The following ENTREP2 variants were observed in gnomAD, a reference collection of about 807,000 sequenced individuals.
The protein encoded by ENTREP2 is endosomal transmembrane epsin interactor 2, also known as protein ENTREP2.
chr15:29,437,443 T>C, the ENTREP2 span, among the ~76,000 whole-genome samples: 1 of 152,242 alleles, frequency 6.6e-6, no homozygotes, highest in Non-Finnish European at 1.5e-5. Context: ...CTTCTATTAA[T>C]TGGCCTGTTT....
the ENTREP2 span, among the ~76,000 whole-genome samples, chr15:29,413,273 G>T: frequency 6.6e-6 from 1 of 152,036 alleles, no homozygotes. Flanking sequence ...AATTATACCT[G>T]GTTGTGTTCT....
the ENTREP2 span, among the ~76,000 whole-genome samples, chr15:29,209,331 G>A: frequency 2.6e-5 from 4 of 151,980 alleles, no homozygotes; most frequent in Admixed American, 6.6e-5. Flanking sequence ...GTGAAACCCC[G>A]TCTCTACTAA....
the ENTREP2 span, among the ~76,000 whole-genome samples, chr15:29,585,813 G>A: frequency 7.1e-6 from 1 of 140,304 alleles, no homozygotes; most frequent in Non-Finnish European, 1.5e-5. Context: ...CCAAGATCCC[G>A]CCATTGCACT....
chr15:29,124,731 C>A, the ENTREP2 span: 3 of 1,550,722 alleles, frequency 1.9e-6, no homozygotes, highest in South Asian at 2.4e-5. Flanking sequence ...CAGGTCCTGG[C>A]TACACGACGG....
At chr15:29,617,904 G>A in the ENTREP2 span, among the ~76,000 whole-genome samples, 1 of 152,162 alleles carries the variant, frequency 6.6e-6, no homozygotes, top group East Asian at 1.9e-4. Flanking sequence ...AGGCAGCCTG[G>A]CATCTTGATT....
At chr15:29,531,481 C>T in the ENTREP2 span, among the ~76,000 whole-genome samples, 2 of 152,098 alleles carry the variant, frequency 1.3e-5, no homozygotes, top group Admixed American at 6.5e-5. Context: ...TGAAACTGGG[C>T]AGAACATGAA....
At chr15:29,533,771 C>T in the ENTREP2 span, among the ~76,000 whole-genome samples, 30 of 152,138 alleles carry the variant, frequency 2.0e-4, no homozygotes, top group African/African-American at 6.5e-4. Flanking sequence ...GCATTTCTCC[C>T]CTGTAGAAAG....
the ENTREP2 span, among the ~76,000 whole-genome samples, chr15:29,451,991 C>T: frequency 2.6e-5 from 4 of 152,120 alleles, no homozygotes; most frequent in African/African-American, 9.7e-5. Context: ...GTTTTAAAAC[C>T]TTTTTCCTGA....
the ENTREP2 span, among the ~76,000 whole-genome samples, chr15:29,312,944 G>A: frequency 3.3e-5 from 5 of 152,176 alleles, no homozygotes; most frequent in Non-Finnish European, 7.3e-5. Context: ...GAATGCAAAG[G>A]AAAAGTTCTC....
chr15:29,627,530 A>G, the ENTREP2 span, among the ~76,000 whole-genome samples: 1 of 145,988 alleles, frequency 6.8e-6, no homozygotes, highest in Admixed American at 6.8e-5. Flanking sequence ...TGACAGAGCA[A>G]GACTCCATCT....
the ENTREP2 span, among the ~76,000 whole-genome samples, chr15:29,291,445 T>C: frequency 7.9e-5 from 12 of 152,172 alleles, no homozygotes; most frequent in Non-Finnish European, 1.3e-4. Context: ...GTTGCCTGCA[T>C]ATCACAGACT....
chr15:29,594,120 A>C, the ENTREP2 span, among the ~76,000 whole-genome samples: 1 of 152,168 alleles, frequency 6.6e-6, no homozygotes, highest in Non-Finnish European at 1.5e-5. Context: ...AAAGGAAATA[A>C]AAATTTCTTC....
At chr15:29,383,808 A>T in the ENTREP2 span, among the ~76,000 whole-genome samples, 1 of 152,084 alleles carries the variant, frequency 6.6e-6, no homozygotes, top group East Asian at 1.9e-4. Flanking sequence ...CATGAACCAA[A>T]GCACGCACAC....
chr15:29,204,321 T>C, the ENTREP2 span, among the ~76,000 whole-genome samples: 2 of 152,202 alleles, frequency 1.3e-5, no homozygotes, highest in African/African-American at 4.8e-5. Context: ...AAGAGGGGGA[T>C]GCCCCCACGA....
At chr15:29,457,739 C>T in the ENTREP2 span, among the ~76,000 whole-genome samples, 5 of 152,336 alleles carry the variant, frequency 3.3e-5, no homozygotes, top group East Asian at 1.9e-4. Context: ...AAGTGTCACA[C>T]GGGAGAGACA....
chr15:29,238,145 A>AG, the ENTREP2 span, among the ~76,000 whole-genome samples: 1 of 152,218 alleles, frequency 6.6e-6, no homozygotes, highest in Non-Finnish European at 1.5e-5. Flanking sequence ...AGTCCAGAAC[A>AG]GGGAAATTTA....
chr15:29,201,145 G>A, the ENTREP2 span, among the ~76,000 whole-genome samples: 1 of 152,086 alleles, frequency 6.6e-6, no homozygotes, highest in Admixed American at 6.5e-5. Context: ...TTAATTCTAA[G>A]AGGCTTGTTT....
the ENTREP2 span, among the ~76,000 whole-genome samples, chr15:29,601,544 G>A: frequency 1.3e-5 from 2 of 151,152 alleles, no homozygotes; most frequent in Admixed American, 1.3e-4. Flanking sequence ...AGTCCTTCTG[G>A]CTGTATATCT....
chr15:29,223,433 C>T, the ENTREP2 span, among the ~76,000 whole-genome samples: 3 of 152,130 alleles, frequency 2.0e-5, no homozygotes, highest in Non-Finnish European at 2.9e-5. Flanking sequence ...TGTGGGGACA[C>T]CTCTTCTGCT....
Sources: gnomAD v4.1 joint callset for allele counts (sites outside exome capture counted in the v4.1 genomes callset) on GRCh38, gnomAD v4.1.1 for gene constraint, MANE v1.5 for transcripts, NCBI Gene and HGNC (gene_info 2026-07-23, HGNC 2026-07-21) for gene names.